Variants in KIF2A observed in about 807,000 individuals in gnomAD.
KIF2A encodes kinesin-like protein KIF2A.
A neutral mutation model predicts 100.2 loss-of-function variants in KIF2A; 22 were observed. The observed-to-expected ratio is 0.22, with a 90% confidence interval of 0.16 to 0.31. The LOEUF (loss-of-function observed/expected upper bound fraction) is 0.31, where lower values mean the gene tolerates loss of function less well. Ranked by LOEUF, KIF2A falls within the 10% of genes least tolerant of loss-of-function variation. KIF2A has a pLI of 1.00. For missense variants in KIF2A, 495 were observed against 898.7 expected (o/e 0.55, Z 5.74); for synonymous variants, 268 against 285.9 (o/e 0.94, Z 0.63).
intron 1 of KIF2A, among the ~76,000 whole-genome samples, chr5:62,344,019 G>T (rs1187938766): frequency 6.6e-6 from 1 of 152,180 alleles, no homozygotes; most frequent in East Asian, 1.9e-4. Context: ...CTTATTCACT[G>T]TGTAACTTTG....
intron 15 of KIF2A, among the ~76,000 whole-genome samples, chr5:62,366,142 G>C (rs1580083208): frequency 6.6e-6 from 1 of 151,996 alleles, no homozygotes; most frequent in African/African-American, 2.4e-5. Flanking sequence ...GGTGGAGTGG[G>C]GGTCAGTCAG....
chr5:62,311,560 A>G (rs893562322), intron 1 of KIF2A, among the ~76,000 whole-genome samples: 1 of 152,224 alleles, frequency 6.6e-6, no homozygotes, highest in Admixed American at 6.5e-5. Flanking sequence ...AAGATTTTAA[A>G]TGGCCTAATT....
At chr5:62,311,386 A>C (rs1032771498) in intron 1 of KIF2A, among the ~76,000 whole-genome samples, 2 of 152,222 alleles carry the variant, frequency 1.3e-5, no homozygotes, top group Admixed American at 1.3e-4. Context: ...ATGTTACTAC[A>C]AGTTCACCAA....
intron 1 of KIF2A, among the ~76,000 whole-genome samples, chr5:62,307,903 C>A (rs1009879208): frequency 6.6e-6 from 1 of 152,176 alleles, no homozygotes; most frequent in Non-Finnish European, 1.5e-5. Flanking sequence ...CAGGCGTGAG[C>A]CATCGCGCCT....
At position 62,389,157 on chromosome 5, in the gene KIF2A, T is replaced by C. The variant is rs1292776942; in HGVS notation, c.*3588T>C. 2 of 977,696 alleles carry C rather than the reference T, an allele frequency of 2.0e-6. No individual in the cohort carries two copies. The highest frequency in any genetic ancestry group is 3.1e-6 in the Non-Finnish European group (2 of 651,460). 60.6% of individuals were successfully genotyped at this position (977,696 alleles called of 1,614,324 possible). ...TACTAAAACATGAATACAGCATGCTTACAGAGCCCACCCACTCCTAATACT... is the reference window on the plus strand; with the variant it reads ...TACTAAAACATGAATACAGCATGCTCACAGAGCCCACCCACTCCTAATACT... On this transcript the variant is annotated 3_prime_UTR_variant, in exon 21 of 21. Transcript: ENST00000407818.
chr5:62,361,085 A>G (rs574420737), intron 9 of KIF2A, among the ~76,000 whole-genome samples, 157 bp from the exon 10 acceptor site: 2 of 152,318 alleles, frequency 1.3e-5, no homozygotes, highest in Admixed American at 6.5e-5. Flanking sequence ...TCTTAAATCA[A>G]TTCTTCGATA....
chr5:62,345,006 GAGGCCAAGGTGGGCAGATCGCCT>G (rs1212782942), intron 1 of KIF2A, among the ~76,000 whole-genome samples: 2 of 152,138 alleles, frequency 1.3e-5, no homozygotes. Flanking sequence ...AGCACTTATG[GAGGCCAAGGTGGGCAGATCGCCT>G]GAGGCCAGGA....
At chr5:62,315,222 C>T (rs934230931) in intron 1 of KIF2A, among the ~76,000 whole-genome samples, 2 of 145,112 alleles carry the variant, frequency 1.4e-5, no homozygotes, top group African/African-American at 2.6e-5. Context: ...CAATAGATCA[C>T]CTGTGGGGCT....
At chr5:62,316,398 G>A (rs368385047) in intron 1 of KIF2A, among the ~76,000 whole-genome samples, 3 of 152,136 alleles carry the variant, frequency 2.0e-5, no homozygotes, top group South Asian at 4.1e-4. Context: ...CTTACTTTTG[G>A]CCTATTTTTT....
chr5:62,347,972 A>C, intron 2 of KIF2A, 76 bp from the exon 3 acceptor site: 1 of 1,484,536 alleles, frequency 6.7e-7, no homozygotes, highest in Non-Finnish European at 9.2e-7. Flanking sequence ...TATTTACTTC[A>C]TCAATTTACT....
At chr5:62,368,445 T>G (rs1014284452) in intron 16 of KIF2A, among the ~76,000 whole-genome samples, 9 of 151,962 alleles carry the variant, frequency 5.9e-5, no homozygotes, top group African/African-American at 2.2e-4. Context: ...CTATTGAGCT[T>G]TTGCAAAAAA....
intron 16 of KIF2A, among the ~76,000 whole-genome samples, chr5:62,370,923 T>A (rs1741293934): frequency 6.6e-6 from 1 of 152,044 alleles, no homozygotes; most frequent in South Asian, 2.1e-4. Flanking sequence ...AATTAAAAGA[T>A]TTAGATAAGA....
chr5:62,353,245 A>AAAAAAG (rs1209253166), intron 5 of KIF2A, 30 bp from the exon 6 acceptor site: 7 of 1,294,932 alleles, frequency 5.4e-6, no homozygotes, highest in Non-Finnish European at 7.3e-6. Context: ...AAAGAAAACT[A>AAAAAAG]TACTTCTACA....
chr5:62,381,812 C>T (rs1334619330), intron 20 of KIF2A, among the ~76,000 whole-genome samples: 1 of 152,244 alleles, frequency 6.6e-6, no homozygotes, highest in Non-Finnish European at 1.5e-5. Context: ...GTCCTCCTGC[C>T]TTGACCTCCC....
intron 1 of KIF2A, among the ~76,000 whole-genome samples, chr5:62,307,920 G>A (rs1308415783): frequency 1.3e-5 from 2 of 152,006 alleles, no homozygotes; most frequent in African/African-American, 2.4e-5. Context: ...GCCTGGCCTC[G>A]ATTCCTTTTA....
intron 1 of KIF2A, 63 bp from the exon 2 acceptor site, chr5:62,347,066 TC>T: frequency 1.2e-6 from 1 of 823,100 alleles, no homozygotes. Flanking sequence ...AAATTGTATT[TC>T]ACAGTGTTTA....
intron 16 of KIF2A, 48 bp downstream of exon 16, chr5:62,366,529 T>A: frequency 1.8e-6 from 2 of 1,116,718 alleles, no homozygotes; most frequent in Non-Finnish European, 2.7e-6. Context: ...AGTACAGCAG[T>A]ACATAGTATA....
At chr5:62,319,404 A>G (rs772509484) in intron 1 of KIF2A, among the ~76,000 whole-genome samples, 19 of 152,180 alleles carry the variant, frequency 1.2e-4, no homozygotes, top group Non-Finnish European at 2.2e-4. Context: ...GAGGCACACT[A>G]TACTCCAGAC....
chr5:62,315,734 A>G (rs1032725670), intron 1 of KIF2A, among the ~76,000 whole-genome samples: 2 of 152,234 alleles, frequency 1.3e-5, no homozygotes, highest in African/African-American at 4.8e-5. Context: ...GGACACTTGG[A>G]AACTACTATA....
Sources: gnomAD v4.1 joint callset for allele counts (sites outside exome capture counted in the v4.1 genomes callset) on GRCh38, gnomAD v4.1.1 for gene constraint, MANE v1.5 for transcripts, NCBI Gene and HGNC (gene_info 2026-07-23, HGNC 2026-07-21) for gene names.